SPRY4: variants seen among roughly 807,000 people sequenced by gnomAD.
SPRY4 encodes protein sprouty homolog 4.
Under a neutral mutation model 17.0 loss-of-function variants are expected in SPRY4, and 7 were observed. The ratio of observed to expected loss-of-function variants is 0.41; its 90% CI spans 0.23 to 0.77. SPRY4 has a LOEUF of 0.77. SPRY4 is among the 30% of genes least tolerant of loss of function. SPRY4 has a pLI of 0.32. For synonymous variants in SPRY4, 183 were observed against 174.1 expected (o/e 1.05, Z -0.40); for missense variants, 435 against 419.9 (o/e 1.04, Z -0.31).
intron 1 of SPRY4, chr5:142,319,860 C>CCACA: frequency 6.8e-7 from 1 of 1,474,978 alleles, no homozygotes; most frequent in South Asian, 1.3e-5. Flanking sequence ...TCCCACCCAC[C>CCACA]CACACCCTCC....
intron 1 of SPRY4, chr5:142,315,648 C>T (rs950489300): frequency 1.9e-5 from 3 of 155,122 alleles, no homozygotes; most frequent in African/African-American, 7.2e-5. Flanking sequence ...ATTTGACTCT[C>T]ACTTTGGTCT....
chr5:142,319,573 G>A (rs531845910), intron 1 of SPRY4, among the ~76,000 whole-genome samples: 1 of 152,172 alleles, frequency 6.6e-6, no homozygotes, highest in Non-Finnish European at 1.5e-5. Context: ...CTTCATTGAT[G>A]GGGTCCCTGG....
At chr5:142,317,693 G>T in intron 1 of SPRY4, 1 of 985,042 alleles carries the variant, frequency 1.0e-6, no homozygotes, top group Non-Finnish European at 1.2e-6. Flanking sequence ...AAAGAAATGG[G>T]CAATGCTCAG....
intron 1 of SPRY4, among the ~76,000 whole-genome samples, chr5:142,323,592 C>T (rs905429195): frequency 1.1e-4 from 16 of 152,152 alleles, no homozygotes; most frequent in African/African-American, 3.9e-4. Context: ...CCCCTCCAGC[C>T]CATTTCGCCT....
chr5:142,313,954 C>A lies in SPRY4; in HGVS notation c.*255G>T. 2.0e-6 allele frequency: 1 copy of A among 507,210 alleles called. No individual in the cohort carries two copies. The highest frequency in any genetic ancestry group is 3.3e-5 in the South Asian group (1 of 30,074). The allele number at this position is 507,210 out of a possible 1,614,324, so 31.4% of individuals were successfully genotyped here. On this transcript the variant is annotated 3_prime_UTR_variant, in exon 2 of 2. Transcript: ENST00000434127. ...AAGAAAAATTTCCCCCCAAACCACACCCTGCCCCTGCATTGTCTGTTTGAC... is the reference window on the plus strand; with the variant it reads ...AAGAAAAATTTCCCCCCAAACCACAACCTGCCCCTGCATTGTCTGTTTGAC...
At chr5:142,324,203 C>T (rs1759453735) in intron 1 of SPRY4, 1 of 152,380 alleles carries the variant, frequency 6.6e-6, no homozygotes, top group Non-Finnish European at 1.5e-5. Context: ...GAGCAAAGGT[C>T]AGACGGCGAG....
intron 1 of SPRY4, chr5:142,319,810 A>G: frequency 6.2e-7 from 1 of 1,605,076 alleles, no homozygotes; most frequent in East Asian, 2.2e-5. Context: ...AAGAATCAAG[A>G]GGCATGTTAA....
chr5:142,317,187 AG>A, intron 1 of SPRY4: 2 of 985,476 alleles, frequency 2.0e-6, no homozygotes, highest in Non-Finnish European at 2.4e-6. Flanking sequence ...AGTTTTTCCA[AG>A]GATCAGGCTG....
intron 1 of SPRY4, among the ~76,000 whole-genome samples, chr5:142,323,343 T>TC (rs1307393781): frequency 3.3e-5 from 5 of 152,154 alleles, no homozygotes; most frequent in African/African-American, 1.2e-4. Context: ...GTCTGGCCTC[T>TC]CCCAAAACTG....
intron 1 of SPRY4, among the ~76,000 whole-genome samples, chr5:142,323,694 G>A (rs1354765452): frequency 6.6e-6 from 1 of 152,132 alleles, no homozygotes. Context: ...CAATCAAGGA[G>A]AATTGAGAAA....
chr5:142,317,020 C>T (rs1284005194), intron 1 of SPRY4: 9 of 985,356 alleles, frequency 9.1e-6, no homozygotes, highest in Non-Finnish European at 1.1e-5. Flanking sequence ...GAAACCATAG[C>T]ATCACCTTTG....
At position 142,311,067 on chromosome 5, in the gene SPRY4, T is replaced by C. The variant is rs1484242126; in HGVS notation, c.*3142A>G. On this transcript the variant is annotated 3_prime_UTR_variant, in exon 2 of 2. Transcript: ENST00000434127. ...GCCTCACTCGAGGTATGATGGCGAC[T>C]GACAGGCTCCACAAGGCTGAAAAGA... The C allele has an allele frequency of 6.6e-6, 1 of 152,206 alleles. No individual in the cohort carries two copies. Among genetic ancestry groups the C allele is most frequent in the South Asian group, 2.1e-4 (1 of 4,826 alleles). The allele number at this position is 152,206 out of a possible 1,614,324, so 9.4% of individuals were successfully genotyped here.
At position 142,314,850 on chromosome 5, in the gene SPRY4, G is replaced by T. The variant is rs764464746; in HGVS notation, c.259C>A (p.His87Asn). The T allele has an allele frequency of 1.3e-6, 2 of 1,589,532 alleles. No individual in the cohort carries two copies. The highest frequency in any genetic ancestry group is 3.4e-5 in the Admixed American group (2 of 58,508). The change falls in exon 2 of 2, where the codon CAC becomes AAC. Residue 87 changes from histidine (H) to asparagine (N), a missense_variant. Coordinates refer to ENST00000434127, the MANE Select transcript of SPRY4 (RefSeq NM_001127496.3). This position sits in a 1 kb window ranked among gnomAD's most constrained non-coding sequence, Gnocchi z 4.8. ...TPARCDQDVT[H>N]HWISFSGRPS... is the part of the protein sequence containing the mutation. ...CGCCCGCTGAAGGAGATCCAATGGT[G>T]GGTGACATCCTGGTCACAGCGGGCG...
At chr5:142,318,305 T>G in intron 1 of SPRY4, 1 of 374,998 alleles carries the variant, frequency 2.7e-6, no homozygotes, top group Non-Finnish European at 3.7e-6. Flanking sequence ...ACCAACAGGA[T>G]GAAACCCCCA....
intron 1 of SPRY4, chr5:142,319,734 G>C (rs1174447383): frequency 6.2e-7 from 1 of 1,611,990 alleles, no homozygotes; most frequent in Admixed American, 1.7e-5. Context: ...GACACTCACT[G>C]CATTTGTACC....
At chr5:142,317,544 G>A in intron 1 of SPRY4, 1 of 985,034 alleles carries the variant, frequency 1.0e-6, no homozygotes, top group Non-Finnish European at 1.2e-6. Context: ...GTTGGGTTTT[G>A]TCTCTCAGGA....
intron 1 of SPRY4, chr5:142,317,856 G>A (rs953686551): frequency 3.0e-6 from 3 of 985,210 alleles, no homozygotes; most frequent in Non-Finnish European, 3.6e-6. Flanking sequence ...TCAACATCTG[G>A]GCCTGCAGTT....
At chr5:142,324,125 G>A (rs1242612521) in intron 1 of SPRY4, 2 of 152,440 alleles carry the variant, frequency 1.3e-5, no homozygotes, top group Non-Finnish European at 1.5e-5. Flanking sequence ...AGGAGCCTCA[G>A]GCCTTACAGA....
At chr5:142,320,356 C>A (rs1282351260) in intron 1 of SPRY4, among the ~76,000 whole-genome samples, 1 of 151,802 alleles carries the variant, frequency 6.6e-6, no homozygotes, top group East Asian at 1.9e-4. Context: ...AGCACCAGCA[C>A]TAAGAAGCTC....
Sources: gnomAD v4.1 joint callset for allele counts (sites outside exome capture counted in the v4.1 genomes callset) on GRCh38, gnomAD v4.1.1 for gene constraint, Gnocchi (gnomAD v3.1) non-coding constraint, MANE v1.5 for transcripts, NCBI Gene and HGNC (gene_info 2026-07-23, HGNC 2026-07-21) for gene names.